PLXNB1: variants seen among roughly 807,000 people sequenced by gnomAD.
PLXNB1 encodes the protein plexin B1.
PLXNB1 carries 106 observed loss-of-function variants against 209.4 expected under a neutral mutation model. The ratio of observed to expected loss-of-function variants is 0.51; its 90% CI spans 0.43 to 0.59. The LOEUF is 0.59. Among genes scored for constraint, PLXNB1 ranks in the 20% least tolerant of loss-of-function variants. The pLI is 0.00. For missense variants in PLXNB1, 2,357 were observed against 2,853.2 expected, an observed-to-expected ratio of 0.83 and a Z score of 3.96; for synonymous variants, 1,167 against 1,183.2, an observed-to-expected ratio of 0.99 and a Z score of 0.28.
At chr3:48,407,218 G>A in intron 34 of PLXNB1, 127 bp from the exon 35 acceptor site, 1 of 839,666 alleles carries the variant, frequency 1.2e-6, no homozygotes, top group Non-Finnish European at 1.9e-6. Context: ...CACATCCCAG[G>A]AAGCCCCTGA....
chr3:48,412,459 G>A lies in PLXNB1; in HGVS notation c.5016C>T (p.Pro1672=), dbSNP rs747295997. ...ACACAGACCTGCGCAGCATCAGCTT[G>A]GGGTTCTTGGCCACATACTGGGCAA... The part of the protein sequence containing the change: ...DLVAQYVAKN[P]KLMLRRTETV... Residue 1672 remains proline (P), a synonymous_variant, in exon 26 of 38, where the codon CCC becomes CCT. Transcript: ENST00000296440. 28 of 1,613,488 alleles carry A rather than the reference G, an allele frequency of 1.7e-5. No individual in the cohort carries two copies. The highest frequency in any genetic ancestry group is 2.3e-5 in the Non-Finnish European group (27 of 1,180,044).
At chr3:48,422,553 A>G (rs2038603071) in intron 4 of PLXNB1, 94 bp from the exon 5 acceptor site, 4 of 1,427,922 alleles carry the variant, frequency 2.8e-6, no homozygotes, top group Non-Finnish European at 3.7e-6. Flanking sequence ...ATTTACAAAT[A>G]GAATTTCCTC....
At chr3:48,408,423 C>T (rs766934268) in intron 34 of PLXNB1, among the ~76,000 whole-genome samples, 10 of 152,188 alleles carry the variant, frequency 6.6e-5, no homozygotes, top group Non-Finnish European at 1.0e-4. Context: ...CCTGCAGAGT[C>T]ACACGAGGGC....
Position 48,416,333 on chromosome 3 carries a change from A to T in PLXNB1, c.3480+13T>A. On this transcript the variant is annotated intron_variant, in intron 17 of 37. Transcript: ENST00000296440. The surrounding 1 kb of genome is among the most constrained non-coding windows in gnomAD (Gnocchi z 4.1). ...GCCCGCTGGCAGCTGGGGGTGGCTC[A>T]GCAGTCAGGTACCTGGTAGGCAAAG... The T allele has an allele frequency of 6.2e-7, 1 of 1,602,558 alleles. No homozygotes were observed. Among genetic ancestry groups the T allele is most frequent in the South Asian group, 1.1e-5 (1 of 90,466 alleles).
rs1348233969 is a variant in PLXNB1, at chr3:48,424,222, C to G, written c.390G>C (p.Leu130=). 6.2e-7 allele frequency: 1 copy of G among 1,601,394 alleles called. No homozygotes were observed. Among genetic ancestry groups the G allele is most frequent in the Non-Finnish European group, 8.5e-7 (1 of 1,172,880 alleles). Residue 130 remains leucine (L), a synonymous_variant, in exon 3 of 38, where the codon CTG becomes CTC. Transcript: ENST00000296440. ...EQRRLGQLEQ[L]LLRPERPGDT... Reference sequence around the variant, plus strand: ...CCCCAGGCCGCTCTGGCCGCAGCAGCAGCTGCTCGAGCTGCCCCAGGCGCC... The same window carrying G: ...CCCCAGGCCGCTCTGGCCGCAGCAGGAGCTGCTCGAGCTGCCCCAGGCGCC...
chr3:48,421,872 C>A lies in PLXNB1; in HGVS notation c.1521-66G>T, dbSNP rs1278531642. On this transcript the variant is annotated intron_variant, in intron 6 of 37. Coordinates refer to ENST00000296440, the MANE Select transcript of PLXNB1 (RefSeq NM_001130082.3). ...CCACTGGGAGTTCATAGGGTAGGGA[C>A]TCCTACAATCTGGAGGACCTGGGCA... 6 of 1,547,754 alleles carry A rather than the reference C, an allele frequency of 3.9e-6. No individual in the cohort carries two copies. The East Asian group carries it at 1.4e-4, about 35-fold the overall frequency.
In PLXNB1 at chr3:48,414,957, C is replaced by A; in HGVS notation, c.4051G>T (p.Val1351Phe). 1.2e-6 allele frequency: 2 copies of A among 1,613,882 alleles called. No homozygotes were observed. ...ALPGLPEDPW[V>F]RVEFILDNLV... ...TTGTCAAGGATAAATTCCACCCGGACCCAGGGGTCCTCAGGCAGGCCTGGG... is the reference window on the plus strand; with the variant it reads ...TTGTCAAGGATAAATTCCACCCGGAACCAGGGGTCCTCAGGCAGGCCTGGG... The change falls in exon 21 of 38, where the codon GTC becomes TTC. Residue 1351 changes from valine to phenylalanine, a missense_variant. Physicochemically the swap from Val to Phe is conservative, Grantham distance 50. Around this residue, in one of 7 missense-constraint regions of PLXNB1, gnomAD observed 743 missense variants for 896.2 expected, o/e 0.83. Coordinates refer to ENST00000296440, the MANE Select transcript of PLXNB1 (RefSeq NM_001130082.3).
In PLXNB1 at chr3:48,422,639, G is replaced by A. The variant is rs531512510; in HGVS notation, c.1290+126C>T. Reference sequence around the variant, plus strand: ...CACAGGTAAACACCACCCAGTCCTGGGGAGAGGAGCTCAGGTCATCTCTCC... The same window carrying A: ...CACAGGTAAACACCACCCAGTCCTGAGGAGAGGAGCTCAGGTCATCTCTCC... On this transcript the variant is annotated intron_variant, in intron 4 of 37. Coordinates refer to ENST00000296440, the MANE Select transcript of PLXNB1 (RefSeq NM_001130082.3). 27 of 1,249,496 alleles carry A rather than the reference G, an allele frequency of 2.2e-5. 2 individuals are homozygous for A. The South Asian group carries it at 3.3e-4, about 15-fold the overall frequency. The allele number at this position is 1,249,496 out of a possible 1,614,324, so 77.4% of individuals were successfully genotyped here. A position where few individuals can be genotyped will look rare whatever the true frequency, so the allele number is the denominator to read the frequency against.
At position 48,417,743 on chromosome 3, in the gene PLXNB1, G is replaced by A. The variant is rs2038193281; in HGVS notation, c.3374+168C>T. Among the ~76,000 whole-genome samples, 1 of 152,192 alleles carries A rather than the reference G, an allele frequency of 6.6e-6. No individual in the cohort carries two copies. The highest frequency in any genetic ancestry group is 2.1e-4 in the South Asian group (1 of 4,828). ...AGGCCAGGAACCTACAGGTGTGGTG[G>A]GTGCTCAGGGTCTTCAGTGGCAACG... On this transcript the variant is annotated intron_variant, in intron 16 of 37. Coordinates refer to ENST00000296440, the MANE Select transcript of PLXNB1 (RefSeq NM_001130082.3). This position sits in a 1 kb window ranked among gnomAD's most constrained non-coding sequence, Gnocchi z 4.4.
Position 48,404,359 on chromosome 3 carries a change from T to G in PLXNB1, c.*127A>C. The G allele has an allele frequency of 3.2e-6, 2 of 625,604 alleles. No homozygotes were observed. The highest frequency in any genetic ancestry group is 5.6e-6 in the Non-Finnish European group (2 of 359,438). 38.8% of individuals were successfully genotyped at this position (625,604 alleles called of 1,614,324 possible). On this transcript the variant is annotated 3_prime_UTR_variant, in exon 38 of 38. Coordinates refer to ENST00000296440, the MANE Select transcript of PLXNB1 (RefSeq NM_001130082.3). The stretch of plus-strand genomic sequence containing the variant: ...GCCGAGGCCAGAGCCACCAGGAGAC[T>G]GGGAGTCACCTTCCACTAACTCTGC...
chr3:48,421,393 A>G lies in PLXNB1; in HGVS notation c.1654-9T>C. On this transcript the variant is annotated splice_polypyrimidine_tract_variant and intron_variant, in intron 7 of 37. Transcript: ENST00000296440. Reference sequence around the variant, plus strand: ...GGCACTGATAGGAAAACCTGCCAAGAGAGCCAGGGACACACTGTTGGGGCT... The same window carrying G: ...GGCACTGATAGGAAAACCTGCCAAGGGAGCCAGGGACACACTGTTGGGGCT... The G allele has an allele frequency of 6.6e-7, 1 of 1,523,514 alleles. No homozygotes were observed. Among genetic ancestry groups the G allele is most frequent in the Non-Finnish European group, 8.8e-7 (1 of 1,133,334 alleles). 94.4% of individuals were successfully genotyped at this position (1,523,514 alleles called of 1,614,324 possible).
Position 48,412,921 on chromosome 3 carries a change from G to A in PLXNB1, c.4675C>T (p.Leu1559=). 6.2e-7 allele frequency: 1 copy of A among 1,614,120 alleles called. No homozygotes were observed. The highest frequency in any genetic ancestry group is 8.5e-7 in the Non-Finnish European group (1 of 1,180,034). The change falls in exon 25 of 38, where the codon CTG becomes TTG. Residue 1559 remains leucine (L), a synonymous_variant. Coordinates refer to ENST00000296440, the MANE Select transcript of PLXNB1 (RefSeq NM_001130082.3). ...TCGAGGAAGGGGATGCCGCTGCCCA[G>A]GAGGTCACTGGTGAGATCGGTCATC... ...TEMTDLTSDL[L]GSGIPFLDYK...
rs750765233 is a variant in PLXNB1 at position 48,418,230 on chromosome 3, C to G, written c.3183G>C (p.Glu1061Asp). 3.7e-6 allele frequency: 6 copies of G among 1,612,708 alleles called. No individual in the cohort carries two copies. The highest frequency in any genetic ancestry group is 5.1e-6 in the Non-Finnish European group (6 of 1,179,684). ...CVTREACGEA[E>D]AVATQCPAPL... is the part of the protein sequence containing the mutation. The stretch of plus-strand genomic sequence containing the variant: ...GCGCTGGGCACTGGGTGGCCACAGC[C>G]TCAGCCTCACCACAGGCCTCCCGGG... Residue 1061 changes from glutamate (E) to aspartate (D), a missense_variant, in exon 15 of 38, where the codon GAG (glutamate) becomes GAC (aspartate). Transcript: ENST00000296440. This position sits in a 1 kb window ranked among gnomAD's most constrained non-coding sequence, Gnocchi z 6.6.
chr3:48,412,550 G>A lies in PLXNB1; in HGVS notation c.4925C>T (p.Thr1642Ile). The A allele has an allele frequency of 1.2e-6, 2 of 1,613,704 alleles. No individual in the cohort carries two copies. Among genetic ancestry groups the A allele is most frequent in the Non-Finnish European group, 1.7e-6 (2 of 1,180,052 alleles). ...CTCAAGCTTCCCATGCAGTGCCACG[G>A]TGAGCAGAGATGCCACGTAGGCACG... ...RDRAYVASLLTVALHGKLEYF... is the reference protein window; with the variant it reads ...RDRAYVASLLIVALHGKLEYF... Residue 1642 changes from threonine to isoleucine, a missense_variant, in exon 26 of 38, where the codon ACC (threonine) becomes ATC (isoleucine). Physicochemically the swap from Thr to Ile is moderately conservative, Grantham distance 89. Coordinates refer to ENST00000296440, the MANE Select transcript of PLXNB1 (RefSeq NM_001130082.3).
chr3:48,414,808 G>C lies in PLXNB1; in HGVS notation c.4200C>G (p.Phe1400Leu). 1.2e-6 allele frequency: 2 copies of C among 1,613,650 alleles called. No homozygotes were observed. Among genetic ancestry groups the C allele is most frequent in the Non-Finnish European group, 1.7e-6 (2 of 1,179,728 alleles). ...CAAGTAGGAGCTGTACCTCCACGGA[G>C]AACACACTCCCAGGCTTGTGCCGGA... ...MPFRHKPGSVFSVEGENLDLA... is the reference protein window; with the variant it reads ...MPFRHKPGSVLSVEGENLDLA... Residue 1400 changes from phenylalanine to leucine, a missense_variant, in exon 21 of 38, where the codon TTC (phenylalanine) becomes TTG (leucine). Around this residue, in one of 7 missense-constraint regions of PLXNB1, gnomAD observed 743 missense variants for 896.2 expected, o/e 0.83. Transcript: ENST00000296440.
Position 48,419,967 on chromosome 3 carries a change from A to G in PLXNB1, c.2319T>C (p.Pro773=), listed in dbSNP as rs1425785276. Residue 773 remains proline (P), a synonymous_variant, in exon 11 of 38, where the codon CCT becomes CCC. Transcript: ENST00000296440. This position sits in a 1 kb window ranked among gnomAD's most constrained non-coding sequence, Gnocchi z 5.7. Reference sequence around the variant, plus strand: ...CTGAGGGTCTGAAGTCAGTGGGGGCAGGGACAGCGGTTCCAGGTCCATTTT... The same window carrying G: ...CTGAGGGTCTGAAGTCAGTGGGGGCGGGGACAGCGGTTCCAGGTCCATTTT... ...SPQNGPGTAV[P]APTDFRPSAT... The G allele has an allele frequency of 3.2e-6, 5 of 1,584,696 alleles. No homozygotes were observed. In the South Asian group the frequency reaches 4.6e-5, roughly 15 times the overall value.
Position 48,413,285 on chromosome 3 carries a change from C to A in PLXNB1, c.4536-116G>T, listed in dbSNP as rs2037826121. 1.2e-6 allele frequency: 1 copy of A among 814,894 alleles called. No individual in the cohort carries two copies. 50.5% of individuals were successfully genotyped at this position (814,894 alleles called of 1,614,324 possible). A position where few individuals can be genotyped will look rare whatever the true frequency, so the allele number is the denominator to read the frequency against. On this transcript the variant is annotated intron_variant, in intron 23 of 37. Transcript: ENST00000296440. The surrounding 1 kb of genome is among the most constrained non-coding windows in gnomAD (Gnocchi z 5.4). ...CCAGCACAGTCCAATGCAGCCATGC[C>A]AGCCAAGCTCAAGCCTAGCCCAGTA...
In PLXNB1 at chr3:48,419,681, G is replaced by A; in HGVS notation, c.2605C>T (p.Leu869Phe). ...DAPAFSTSTLLSGDGDSAELE... is the reference protein window; with the variant it reads ...DAPAFSTSTLFSGDGDSAELE... ...TCTGCTGAGTCTCCATCACCTGAGA[G>A]GAGGGTGGAAGTGGAGAAGGCGGGT... The change falls in exon 11 of 38, where the codon CTC becomes TTC. Residue 869 changes from leucine to phenylalanine, a missense_variant. This residue lies in a region of PLXNB1 where 410 missense variants were observed against 401.0 expected (regional missense o/e 1.02). Transcript: ENST00000296440. The surrounding 1 kb of genome is among the most constrained non-coding windows in gnomAD (Gnocchi z 5.7). 1.9e-6 allele frequency: 3 copies of A among 1,612,638 alleles called. No individual in the cohort carries two copies. Among genetic ancestry groups the A allele is most frequent in the Non-Finnish European group, 2.5e-6 (3 of 1,179,960 alleles).
At chr3:48,407,938 G>C (rs1278566956) in intron 34 of PLXNB1, among the ~76,000 whole-genome samples, 1 of 152,204 alleles carries the variant, frequency 6.6e-6, no homozygotes, top group Non-Finnish European at 1.5e-5. Flanking sequence ...CTCATTATAG[G>C]CATGATGACA....
Sources: gnomAD v4.1 joint callset for allele counts (sites outside exome capture counted in the v4.1 genomes callset) on GRCh38, gnomAD v4.1.1 for gene constraint, gnomAD v4.1.1 regional missense constraint, Gnocchi (gnomAD v3.1) non-coding constraint, MANE v1.5 for transcripts, NCBI Gene and HGNC (gene_info 2026-07-23, HGNC 2026-07-21) for gene names.